The following ZNF732 variants were observed in gnomAD, a reference collection of about 807,000 sequenced individuals.
ZNF732 encodes the protein zinc finger protein LOC654254.
A neutral mutation model predicts 11.5 loss-of-function variants in ZNF732; 12 were observed. The observed-to-expected ratio is 1.05, with a 90% CI of 0.67 to 1.70. The LOEUF is 1.70. Ranked by LOEUF, ZNF732 falls within the 40% of genes most tolerant of loss-of-function variation. The pLI is 0.00. For missense variants in ZNF732, 702 were observed against 676.9 expected, an observed-to-expected ratio of 1.04 and a Z score of -0.41; for synonymous variants, 231 against 236.5, an observed-to-expected ratio of 0.98 and a Z score of 0.21.
chr4:287,099 C>CA (rs1719746683), intron 3 of ZNF732, among the ~76,000 whole-genome samples: 1 of 152,002 alleles, frequency 6.6e-6, no homozygotes, highest in African/African-American at 2.4e-5. Flanking sequence ...TGCAGTGAGC[C>CA]AAGATGGCGC....
intron 3 of ZNF732, among the ~76,000 whole-genome samples, chr4:294,668 T>C (rs1553841892): frequency 2.0e-5 from 3 of 152,170 alleles, no homozygotes; most frequent in African/African-American, 7.2e-5. Flanking sequence ...TCACAAAACT[T>C]ATTCACGAAC....
intron 1 of ZNF732, among the ~76,000 whole-genome samples, chr4:299,403 GTATATA>G (rs142703749): frequency 2.2e-5 from 2 of 89,708 alleles, no homozygotes; most frequent in African/African-American, 5.8e-5. Flanking sequence ...ACACATATGT[GTATATA>G]TATATACACA....
intron 1 of ZNF732, among the ~76,000 whole-genome samples, chr4:300,292 C>G (rs1720087381): frequency 6.6e-6 from 1 of 150,508 alleles, no homozygotes; most frequent in Non-Finnish European, 1.5e-5. Context: ...GAAACCCCGT[C>G]TCAGCTAAAA....
chr4:300,228 C>T (rs6856961), intron 1 of ZNF732, among the ~76,000 whole-genome samples: 8,472 of 149,102 alleles, frequency 0.057, 383 homozygotes, highest in African/African-American at 0.12. Context: ...TTTGGGAGGC[C>T]GAGGCAGAGG....
At chr4:281,061 A>C (rs782362122) in intron 3 of ZNF732, among the ~76,000 whole-genome samples, 5 of 152,158 alleles carry the variant, frequency 3.3e-5, no homozygotes, top group Non-Finnish European at 7.4e-5. Flanking sequence ...AAGTCCATGC[A>C]ACCAAGTCCA....
rs1553841634 is a variant in ZNF732, at chr4:293,244, G to GTGTA, written c.226+2193_226+2194insTACA. Among the ~76,000 whole-genome samples, 39 of 143,956 alleles carry GTGTA rather than the reference G, an allele frequency of 2.7e-4. No individual in the cohort carries two copies. The Middle Eastern group carries it at 0.011, about 41-fold the overall frequency. 94.4% of individuals were successfully genotyped at this position (143,956 alleles called of 152,430 possible). On this transcript the variant is annotated intron_variant, in intron 3 of 3. Transcript: ENST00000419098. ...AATAGCCAAAATATGGTGTGTGTGT[G>GTGTA]TATATATATATACACATATATATGT...
Position 272,016 on chromosome 4 carries a change from C to T in ZNF732, c.841G>A (p.Glu281Lys). 6.2e-7 allele frequency: 1 copy of T among 1,609,682 alleles called. No homozygotes were observed. The highest frequency in any genetic ancestry group is 8.5e-7 in the Non-Finnish European group (1 of 1,177,792). The change falls in exon 4 of 4, where the codon GAA (glutamate) becomes AAA (lysine). Residue 281 changes from glutamate (E) to lysine (K), a missense_variant. Around this residue, in one of 3 missense-constraint regions of ZNF732, gnomAD observed 596 missense variants for 557.9 expected, o/e 1.07. Coordinates refer to ENST00000419098, the MANE Select transcript of ZNF732 (RefSeq NM_001137608.3). ...GAGGTAATGATTTTGCCACATTCTT[C>T]ACATGTGAAGGGTTTCTCTTCAGCA... The part of the protein sequence containing the change: ...IHAEEKPFTC[E>K]ECGKIITSSS...
rs142361571 is a variant in ZNF732 at position 302,077 on chromosome 4, T to G, written c.3+3231A>C. On this transcript the variant is annotated intron_variant, in intron 1 of 3. Transcript: ENST00000419098. ...CCAGTATAACTGTTATAGAAGCGAC[T>G]GTAGATAGAAGGAGAGACCATTCTG... 4.9e-3 allele frequency among the ~76,000 whole-genome samples: 743 copies of G among 152,236 alleles called. 5 individuals carry two copies. The highest frequency in any genetic ancestry group is 7.7e-3 in the Non-Finnish European group (524 of 68,016).
rs1198709280 is a variant in ZNF732, at chr4:272,199, C to T, written c.658G>A (p.Glu220Lys). 1.9e-6 allele frequency: 3 copies of T among 1,613,062 alleles called. No individual in the cohort carries two copies. The highest frequency in any genetic ancestry group is 2.7e-5 in the African/African-American group (2 of 74,870). Reference sequence around the variant, plus strand: ...CATTCTTCACATGTGAAGGGTTTCTCTCCAGTATGAATTATCTCATATTCA... The same window carrying T: ...CATTCTTCACATGTGAAGGGTTTCTTTCCAGTATGAATTATCTCATATTCA... ...FNEYEIIHTG[E>K]KPFTCEECGN... is the part of the protein sequence containing the mutation. Residue 220 changes from glutamate to lysine, a missense_variant, in exon 4 of 4, where the codon GAG (glutamate) becomes AAG (lysine). Transcript: ENST00000419098.
intron 2 of ZNF732, 96 bp from the exon 3 acceptor site, chr4:295,629 C>T: frequency 9.3e-7 from 1 of 1,070,512 alleles, no homozygotes; most frequent in Non-Finnish European, 1.3e-6. Context: ...ATGGAAGATC[C>T]TACATAATTA....
In ZNF732 at chr4:271,081, GC is replaced by G; in HGVS notation, c.*17del. The G allele has an allele frequency of 6.7e-7, 1 of 1,484,304 alleles. No homozygotes were observed. Among genetic ancestry groups the G allele is most frequent in the Non-Finnish European group, 9.0e-7 (1 of 1,113,820 alleles). The allele number at this position is 1,484,304 out of a possible 1,614,324, so 91.9% of individuals were successfully genotyped here. On this transcript the variant is annotated 3_prime_UTR_variant, in exon 4 of 4. Coordinates refer to ENST00000419098, the MANE Select transcript of ZNF732 (RefSeq NM_001137608.3). Reference sequence around the variant, plus strand: ...GGTTTGTGGATCATCCAAAGGCTTTGCCACATTCTTCATATTTCTAGAGTTT... The same window carrying G: ...GGTTTGTGGATCATCCAAAGGCTTTGCACATTCTTCATATTTCTAGAGTTT...
chr4:279,458 C>A (rs1413479589), intron 3 of ZNF732, among the ~76,000 whole-genome samples: 11 of 138,938 alleles, frequency 7.9e-5, no homozygotes, highest in Admixed American at 7.3e-5. Flanking sequence ...AAAAAAAAAA[C>A]AACAACCAGA....
rs782551745 is a variant in ZNF732, at chr4:271,224, G to A, written c.1633C>T (p.Leu545=). 3.7e-5 allele frequency: 57 copies of A among 1,559,026 alleles called. No individual in the cohort carries two copies. The highest frequency in any genetic ancestry group is 5.0e-5 in the Non-Finnish European group (57 of 1,150,986). ...GTATGAATTGTCTTATATTTATTCA[G>A]GACTCTGGAACGTCTAAATGCTTTG... ...CGKAFRRSRV[L]NKYKTIHTGD... The change falls in exon 4 of 4, where the codon CTG becomes TTG. Residue 545 remains leucine (L), a synonymous_variant. Transcript: ENST00000419098.
Position 271,577 on chromosome 4 carries a change from A to G in ZNF732, c.1280T>C (p.Phe427Ser), listed in dbSNP as rs782012955. 3 of 1,613,432 alleles carry G rather than the reference A, an allele frequency of 1.9e-6. No homozygotes were observed. The African/African-American group carries it at 4.0e-5, about 22-fold the overall frequency. Residue 427 changes from phenylalanine to serine, a missense_variant, in exon 4 of 4, where the codon TTT becomes TCT. Physicochemically the swap from Phe to Ser is radical, Grantham distance 155. This residue lies in a region of ZNF732 where 596 missense variants were observed against 557.9 expected (regional missense o/e 1.07). Transcript: ENST00000419098. ...PHKCEECGKA[F>S]GWSTDLNKHK... ...TTTATTCAGGTCTGTGGACCATCCA[A>G]AGGCTTTGCCACACTCTTCACATTT...
In ZNF732 at chr4:304,575, CT is replaced by C. The variant is rs199541614; in HGVS notation, c.3+732del. On this transcript the variant is annotated intron_variant, in intron 1 of 3. Coordinates refer to ENST00000419098, the MANE Select transcript of ZNF732 (RefSeq NM_001137608.3). ...CGCTCTTCCCGCAGCTGCCCCCCCC[CT>C]GCAGACGGCAGTCCCTGCCTCTGGA... Among the ~76,000 whole-genome samples, 74 of 151,244 alleles carry C rather than the reference CT, an allele frequency of 4.9e-4. 2 individuals carry two copies. The highest frequency in any genetic ancestry group is 3.1e-3 in the East Asian group (16 of 5,116).
chr4:300,245 G>A (rs1720086324), intron 1 of ZNF732, among the ~76,000 whole-genome samples: 5 of 150,712 alleles, frequency 3.3e-5, no homozygotes, highest in Middle Eastern at 3.4e-3. Context: ...GAGGGATCAA[G>A]AGGTCAGGAG....
At chr4:288,373 A>G (rs1342643142) in intron 3 of ZNF732, among the ~76,000 whole-genome samples, 2 of 152,226 alleles carry the variant, frequency 1.3e-5, no homozygotes, top group East Asian at 1.9e-4. Flanking sequence ...TTGTAAAGTT[A>G]TAATTCTTAC....
intron 3 of ZNF732, among the ~76,000 whole-genome samples, chr4:282,258 T>A (rs2108654903): frequency 6.6e-6 from 1 of 152,294 alleles, no homozygotes; most frequent in Non-Finnish European, 1.5e-5. Context: ...GGAGTAAAAC[T>A]GTTTAATATT....
chr4:280,270 T>A (rs1277887741), intron 3 of ZNF732, among the ~76,000 whole-genome samples: 1 of 146,182 alleles, frequency 6.8e-6, no homozygotes, highest in Non-Finnish European at 1.5e-5. Flanking sequence ...TTTTGAATCT[T>A]TGACATGCAA....
Sources: allele counts gnomAD v4.1 joint callset (sites outside exome capture counted in the v4.1 genomes callset), GRCh38; gene constraint gnomAD v4.1.1; regional missense constraint gnomAD v4.1.1; transcripts MANE v1.5; gene names NCBI Gene and HGNC (gene_info 2026-07-23, HGNC 2026-07-21).